The following ITGA2B variants were observed in gnomAD, a reference collection of about 807,000 sequenced individuals.
ITGA2B encodes integrin subunit alpha 2b, also known as integrin alpha-IIb.
A neutral mutation model predicts 142.0 loss-of-function variants in ITGA2B; 91 were observed. The observed-to-expected ratio is 0.64, with a 90% CI of 0.54 to 0.76. The LOEUF (loss-of-function observed/expected upper bound fraction) is 0.76. ITGA2B is among the 30% of genes least tolerant of loss of function. ITGA2B has a pLI of 0.00. For missense variants in ITGA2B, 1,231 were observed against 1,350.8 expected (o/e 0.91, Z 1.39); for synonymous variants, 536 against 567.2 (o/e 0.94, Z 0.78).
chr17:44,388,767 T>C (rs939636144), intron 1 of ITGA2B, among the ~76,000 whole-genome samples: 3 of 151,526 alleles, frequency 2.0e-5, no homozygotes, highest in African/African-American at 4.8e-5. Context: ...TCTGCCCACC[T>C]CTGCCTCCCA....
rs55927718 is a variant in ITGA2B, at chr17:44,375,536, C to A, written c.2727+55G>T. ...CGGACCCCTCTCCCTCCTCCCATCC[C>A]CTCTGCCCCGTGGGTCCCGGGGAGG... is the stretch of plus-strand genomic sequence containing the variant. On this transcript the variant is annotated intron_variant, in intron 26 of 29. Coordinates refer to ENST00000262407, the MANE Select transcript of ITGA2B (RefSeq NM_000419.5). 2.2e-5 allele frequency: 35 copies of A among 1,603,588 alleles called. No individual in the cohort carries two copies. In the East Asian group the frequency reaches 7.8e-4, roughly 36 times the overall value.
chr17:44,380,286 C>T lies in ITGA2B; in HGVS notation c.1560G>A (p.Met520Ile). ...KTPVSCFNIQ[M>I]CVGATGHNIP... Reference sequence around the variant, plus strand: ...TGTTGTGCCCAGTGGCTCCAACACACATCTGGATGTTGAAGCTGCAAAGAC... The same window carrying T: ...TGTTGTGCCCAGTGGCTCCAACACATATCTGGATGTTGAAGCTGCAAAGAC... Residue 520 changes from methionine (M) to isoleucine (I), a missense_variant, in exon 16 of 30, where the codon ATG becomes ATA. Met to Ile is a conservative substitution (Grantham distance 10, BLOSUM62 1). Around this residue, in one of 3 missense-constraint regions of ITGA2B, gnomAD observed 908 missense variants for 1,021.1 expected, o/e 0.89. Coordinates refer to ENST00000262407, the MANE Select transcript of ITGA2B (RefSeq NM_000419.5). 1 of 1,614,248 alleles carries T rather than the reference C, an allele frequency of 6.2e-7. No individual in the cohort carries two copies. Among genetic ancestry groups the T allele is most frequent in the Non-Finnish European group, 8.5e-7 (1 of 1,180,046 alleles).
rs559197867 is a variant in ITGA2B at position 44,377,920 on chromosome 17, G to A, written c.2095-130C>T. ...GGGGTTTCTTGGGGTGGGGTCTCAA[G>A]GGACTGTCACATGCTAGTGTGTGTA... On this transcript the variant is annotated intron_variant, in intron 20 of 29. Transcript: ENST00000262407. 1.1e-5 allele frequency: 8 copies of A among 699,466 alleles called. No homozygotes were observed. The East Asian group carries it at 2.2e-4, about 19-fold the overall frequency. 43.3% of individuals were successfully genotyped at this position (699,466 alleles called of 1,614,324 possible).
In ITGA2B at chr17:44,378,447, T is replaced by C. The variant is rs758351184; in HGVS notation, c.2009A>G (p.Asn670Ser). ...NVLELQMDAA[N>S]EGEGAYEAEL... Reference sequence around the variant, plus strand: ...TGCTTCATAGGCCCCCTCGCCCTCGTTGGCTGCGTCCATCTGCAGCTCCAG... The same window carrying C: ...TGCTTCATAGGCCCCCTCGCCCTCGCTGGCTGCGTCCATCTGCAGCTCCAG... The change falls in exon 20 of 30, where the codon AAC (asparagine) becomes AGC (serine). Residue 670 changes from asparagine (N) to serine (S), a missense_variant. By Grantham distance (46) the Asn-to-Ser change is conservative. Transcript: ENST00000262407. 9 of 1,613,678 alleles carry C rather than the reference T, an allele frequency of 5.6e-6. No homozygotes were observed. Among genetic ancestry groups the C allele is most frequent in the Non-Finnish European group, 6.8e-6 (8 of 1,179,920 alleles).
At chr17:44,385,383 C>A in intron 4 of ITGA2B, 48 bp from the exon 5 acceptor site, 1 of 1,584,582 alleles carries the variant, frequency 6.3e-7, no homozygotes, top group Non-Finnish European at 8.5e-7. Context: ...AAGGGAGGCG[C>A]GCGCGAGCCC....
intron 1 of ITGA2B, among the ~76,000 whole-genome samples, chr17:44,386,982 T>C (rs899974361): frequency 6.6e-6 from 1 of 152,222 alleles, no homozygotes; most frequent in African/African-American, 2.4e-5. Flanking sequence ...TTTTATAGGC[T>C]GGGCATGGTG....
At chr17:44,386,960 TA>T (rs1290101376) in intron 1 of ITGA2B, among the ~76,000 whole-genome samples, 1 of 152,216 alleles carries the variant, frequency 6.6e-6, no homozygotes, top group Non-Finnish European at 1.5e-5. Context: ...CCTGGCTAAT[TA>T]AAAAAAATTT....
intron 17 of ITGA2B, 79 bp downstream of exon 17, chr17:44,379,923 A>G (rs1408745656): frequency 6.2e-7 from 1 of 1,612,760 alleles, no homozygotes; most frequent in East Asian, 2.2e-5. Context: ...CACCCAGCTC[A>G]GTGCCCCAGG....
At chr17:44,384,473 G>T in intron 8 of ITGA2B, 65 bp downstream of exon 8, 2 of 1,610,060 alleles carry the variant, frequency 1.2e-6, no homozygotes, top group Non-Finnish European at 1.7e-6. Context: ...ACATAGGGGA[G>T]ATTTCAGGAA....
At chr17:44,380,858 G>C (rs759045940) in intron 13 of ITGA2B, 21 bp downstream of exon 13, 7 of 1,614,062 alleles carry the variant, frequency 4.3e-6, no homozygotes, top group Middle Eastern at 1.6e-4. Context: ...GGCATTTCTA[G>C]CTGGAGGCAG....
At chr17:44,378,536 G>A (rs756759689) in intron 19 of ITGA2B, 27 bp from the exon 20 acceptor site, 2 of 1,612,766 alleles carry the variant, frequency 1.2e-6, no homozygotes, top group East Asian at 2.2e-5. Flanking sequence ...GTGAAGCCAG[G>A]GAGCCTGGGT....
At position 44,378,382 on chromosome 17, in the gene ITGA2B, G is replaced by A. The variant is rs753533964; in HGVS notation, c.2074C>T (p.Arg692Trp). The A allele has an allele frequency of 7.4e-6, 12 of 1,612,580 alleles. No individual in the cohort carries two copies. Among genetic ancestry groups the A allele is most frequent in the Middle Eastern group, 1.9e-4 (1 of 5,328 alleles). Residue 692 changes from arginine to tryptophan, a missense_variant, in exon 20 of 30, where the codon CGG becomes TGG. Physicochemically the swap from Arg to Trp is moderately radical, Grantham distance 101. Coordinates refer to ENST00000262407, the MANE Select transcript of ITGA2B (RefSeq NM_000419.5). Reference sequence around the variant, plus strand: ...CATACCTCGACATTGCTTAGGGCCCGCATGTAGTGGGCGCCCTGGGGCAGG... The same window carrying A: ...CATACCTCGACATTGCTTAGGGCCCACATGTAGTGGGCGCCCTGGGGCAGG... ...VHLPQGAHYM[R>W]ALSNVEGFER...
chr17:44,374,676 G>T lies in ITGA2B; in HGVS notation c.2926C>A (p.Pro976Thr), dbSNP rs984881004. The part of the protein sequence containing the change: ...LPYAVPPLSL[P>T]RGEAQVWTQL... Reference sequence around the variant, plus strand: ...ACACTCACCTGAGCTTCCCCTCGGGGCAGGCTGAGCGGGGGCACCGCATAG... The same window carrying T: ...ACACTCACCTGAGCTTCCCCTCGGGTCAGGCTGAGCGGGGGCACCGCATAG... The change falls in exon 28 of 30, where the codon CCC (proline) becomes ACC (threonine). Residue 976 changes from proline (P) to threonine (T), a missense_variant. Pro to Thr is a conservative substitution (Grantham distance 38). Around this residue, in one of 3 missense-constraint regions of ITGA2B, gnomAD observed 908 missense variants for 1,021.1 expected, o/e 0.89. Coordinates refer to ENST00000262407, the MANE Select transcript of ITGA2B (RefSeq NM_000419.5). 1 of 1,613,850 alleles carries T rather than the reference G, an allele frequency of 6.2e-7. No individual in the cohort carries two copies. Among genetic ancestry groups the T allele is most frequent in the Admixed American group, 1.7e-5 (1 of 60,020 alleles).
At position 44,373,357 on chromosome 17, in the gene ITGA2B, C is replaced by T. The variant is rs183828703; in HGVS notation, c.3061-934G>A. ...TTCACCATGTTTGTCAGGCTGGTCT[C>T]GAACTCCTGACCTCATGAACCGCCC... On this transcript the variant is annotated intron_variant, in intron 29 of 29. Coordinates refer to ENST00000262407, the MANE Select transcript of ITGA2B (RefSeq NM_000419.5). Among the ~76,000 whole-genome samples, 272 of 152,126 alleles carry T rather than the reference C, an allele frequency of 1.8e-3. 1 individual carries two copies. Among genetic ancestry groups the T allele is most frequent in the Non-Finnish European group, 3.3e-3 (224 of 67,992 alleles).
intron 27 of ITGA2B, 62 bp from the exon 28 acceptor site, chr17:44,374,822 C>T: frequency 4.1e-6 from 6 of 1,450,376 alleles, no homozygotes; most frequent in Non-Finnish European, 5.8e-6. Context: ...TGCAGGAGTC[C>T]AGGTCCCACA....
At position 44,375,820 on chromosome 17, in the gene ITGA2B, AC is replaced by A; in HGVS notation, c.2601+12del. The A allele has an allele frequency of 6.4e-7, 1 of 1,568,352 alleles. No individual in the cohort carries two copies. The highest frequency in any genetic ancestry group is 1.2e-5 in the South Asian group (1 of 85,780). ...GGCCGCCTTCCCAGGTCTTTCTTCC[AC>A]CCAGCTCTTACCTTGAGAGGGTTGA... is the stretch of plus-strand genomic sequence containing the variant. On this transcript the variant is annotated intron_variant, in intron 25 of 29. Transcript: ENST00000262407.
chr17:44,385,750 G>A (rs778800266), intron 3 of ITGA2B, 34 bp from the exon 4 acceptor site: 91 of 1,613,164 alleles, frequency 5.6e-5, no homozygotes, highest in Non-Finnish European at 7.0e-5. Flanking sequence ...GGACGGGCGC[G>A]AGACTTGGGC....
chr17:44,375,645 C>CA lies in ITGA2B; in HGVS notation c.2672_2673insT (p.Gln891HisfsTer32), dbSNP rs2048534849. ...GCTGCTCGGGCTCTGGCAGGAAGAT[C>CA]TGTCTGCGATCCCGCTTGTGATGGG... On this transcript the variant is annotated frameshift_variant, in exon 26 of 30. Transcript: ENST00000262407. LOFTEE classifies it high-confidence loss of function. 6.2e-7 allele frequency: 1 copy of CA among 1,613,164 alleles called. No individual in the cohort carries two copies.
At chr17:44,373,063 T>C (rs1431965004) in intron 29 of ITGA2B, among the ~76,000 whole-genome samples, 5 of 152,124 alleles carry the variant, frequency 3.3e-5, no homozygotes, top group African/African-American at 1.2e-4. Context: ...TTAAAAAACT[T>C]TTTTGTAGAG....
Sources: gnomAD v4.1 joint callset for allele counts (sites outside exome capture counted in the v4.1 genomes callset) on GRCh38, gnomAD v4.1.1 for gene constraint, gnomAD v4.1.1 regional missense constraint, MANE v1.5 for transcripts, NCBI Gene and HGNC (gene_info 2026-07-23, HGNC 2026-07-21) for gene names.